MAGI2: variants seen among roughly 807,000 people sequenced by gnomAD.
MAGI2 encodes membrane-associated guanylate kinase, WW and PDZ domain-containing protein 2.
Under a neutral mutation model 133.3 loss-of-function variants are expected in MAGI2, and 35 were observed. The observed-to-expected ratio is 0.26, with a 90% CI of 0.20 to 0.35. The LOEUF is 0.35. Ranked by LOEUF, MAGI2 falls within the 10% of genes least tolerant of loss-of-function variation. The probability of loss-of-function intolerance (pLI) is 1.00; values close to 1 mark genes in which losing one functional copy is unlikely to be tolerated. For synonymous variants in MAGI2, 729 were observed against 710.6 expected, an observed-to-expected ratio of 1.03 and a Z score of -0.41; for missense variants, 1,636 against 1,863.4, an observed-to-expected ratio of 0.88 and a Z score of 2.25.
chr7:78,700,368 A>G (rs932180954), intron 2 of MAGI2, among the ~76,000 whole-genome samples: 2 of 152,082 alleles, frequency 1.3e-5, no homozygotes, highest in Admixed American at 1.3e-4. Context: ...TATGCTTATT[A>G]ATCAATTCAG....
chr7:78,458,829 T>A (rs547456659), intron 6 of MAGI2, among the ~76,000 whole-genome samples: 21 of 152,250 alleles, frequency 1.4e-4, no homozygotes, highest in African/African-American at 5.1e-4. Flanking sequence ...AGAGACGGTG[T>A]TTCTCCGTGT....
chr7:78,903,712 CTT>C (rs1317325703), intron 2 of MAGI2, among the ~76,000 whole-genome samples: 1 of 151,800 alleles, frequency 6.6e-6, no homozygotes, highest in Admixed American at 6.6e-5. Context: ...TACCACCTCT[CTT>C]TGTCACCAAA....
rs79396052 is a variant in MAGI2, at chr7:78,336,336, C to A, written c.1408+7442G>T. Among the ~76,000 whole-genome samples, 849 of 152,226 alleles carry A rather than the reference C, an allele frequency of 5.6e-3. 7 individuals are homozygous for A. The highest frequency in any genetic ancestry group is 0.019 in the African/African-American group (797 of 41,544). On this transcript the variant is annotated intron_variant, in intron 9 of 21. Coordinates refer to ENST00000354212, the MANE Select transcript of MAGI2 (RefSeq NM_012301.4). ...TGGTTCTGACAAAGTTAATCTTGTGCCCTTACTTTCAGAAGCACAGATATA... is the reference window on the plus strand; with the variant it reads ...TGGTTCTGACAAAGTTAATCTTGTGACCTTACTTTCAGAAGCACAGATATA...
chr7:78,218,774 G>A (rs1253905214), intron 10 of MAGI2, among the ~76,000 whole-genome samples: 3 of 152,302 alleles, frequency 2.0e-5, no homozygotes, highest in East Asian at 3.9e-4. Context: ...CATTAGTAGC[G>A]TGGGGCTCAT....
chr7:78,133,111 G>C, intron 17 of MAGI2, 51 bp from the exon 18 acceptor site: 1 of 1,431,734 alleles, frequency 7.0e-7, no homozygotes. Flanking sequence ...TGTTGATAAG[G>C]GGAAAGAAGT....
chr7:78,719,416 T>C (rs958491260), intron 2 of MAGI2, among the ~76,000 whole-genome samples: 5 of 152,260 alleles, frequency 3.3e-5, no homozygotes, highest in Admixed American at 6.5e-5. Context: ...AACCTAAGCA[T>C]TGTGTTGGCA....
At chr7:78,963,763 T>C (rs1803067384) in intron 2 of MAGI2, among the ~76,000 whole-genome samples, 1 of 152,016 alleles carries the variant, frequency 6.6e-6, no homozygotes, top group Non-Finnish European at 1.5e-5. Context: ...TATAATGGAA[T>C]AGGTATACAG....
intron 3 of MAGI2, among the ~76,000 whole-genome samples, chr7:78,579,719 T>C (rs1563198133): frequency 6.6e-6 from 1 of 152,224 alleles, no homozygotes; most frequent in Non-Finnish European, 1.5e-5. Flanking sequence ...AAGCCACTTC[T>C]AGGAGAACTA....
intron 2 of MAGI2, among the ~76,000 whole-genome samples, chr7:78,698,102 T>C (rs371204475): frequency 6.6e-6 from 1 of 152,168 alleles, no homozygotes; most frequent in East Asian, 1.9e-4. Flanking sequence ...ATTCCTTTTT[T>C]AAAAAATACT....
chr7:79,238,602 G>A (rs1306429896), intron 1 of MAGI2, among the ~76,000 whole-genome samples: 1 of 152,098 alleles, frequency 6.6e-6, no homozygotes, highest in Non-Finnish European at 1.5e-5. Flanking sequence ...ACAGTTTACT[G>A]GTAGTTTTAA....
rs1029368288 is a variant in MAGI2, at chr7:78,482,374, A to G, written c.1045+7387T>C. 9.2e-5 allele frequency among the ~76,000 whole-genome samples: 14 copies of G among 151,942 alleles called. 1 individual carries two copies. In the East Asian group the frequency reaches 2.7e-3, roughly 29 times the overall value. On this transcript the variant is annotated intron_variant, in intron 6 of 21. Transcript: ENST00000354212. ...CCTAAAACTGAAACGCACTTAGTAT[A>G]TAATCCAGCAATTGCACTCTTGGGT...
intron 20 of MAGI2, among the ~76,000 whole-genome samples, chr7:78,097,552 C>A (rs567835724): frequency 2.9e-4 from 44 of 152,074 alleles, no homozygotes; most frequent in Non-Finnish European, 6.0e-4. Flanking sequence ...CCTTAGCAAA[C>A]TAATACAGGA....
At chr7:78,694,686 G>C (rs557340384) in intron 2 of MAGI2, among the ~76,000 whole-genome samples, 36 of 152,202 alleles carry the variant, frequency 2.4e-4, no homozygotes, top group African/African-American at 8.7e-4. Flanking sequence ...GCCACACCTG[G>C]ATTTAAATCC....
intron 1 of MAGI2, among the ~76,000 whole-genome samples, chr7:79,189,334 T>G (rs1438910515): frequency 8.2e-6 from 1 of 121,782 alleles, no homozygotes; most frequent in African/African-American, 3.8e-5. Context: ...AAAAAAAAAA[T>G]GGCACCCTTC....
chr7:79,059,005 TAA>T (rs1813451109), intron 1 of MAGI2, among the ~76,000 whole-genome samples: 1 of 152,078 alleles, frequency 6.6e-6, no homozygotes, highest in Non-Finnish European at 1.5e-5. Flanking sequence ...AAGTAGTCAA[TAA>T]ATAGGAGTTG....
At position 78,701,419 on chromosome 7, in the gene MAGI2, T is replaced by C. The variant is rs534390109; in HGVS notation, c.419-74180A>G. Among the ~76,000 whole-genome samples, 15 of 152,096 alleles carry C rather than the reference T, an allele frequency of 9.9e-5. No homozygotes were observed. In the South Asian group the frequency reaches 3.1e-3, roughly 32 times the overall value. On this transcript the variant is annotated intron_variant, in intron 2 of 21. Coordinates refer to ENST00000354212, the MANE Select transcript of MAGI2 (RefSeq NM_012301.4). Reference sequence around the variant, plus strand: ...AATGCAGATCATATTTGTAATAAAATGTAAGGTAGAGTACATGTGGGACCA... The same window carrying C: ...AATGCAGATCATATTTGTAATAAAACGTAAGGTAGAGTACATGTGGGACCA...
chr7:79,160,646 A>G (rs1049731910), intron 1 of MAGI2, among the ~76,000 whole-genome samples: 3 of 151,920 alleles, frequency 2.0e-5, no homozygotes, highest in Non-Finnish European at 4.4e-5. Context: ...ACAGGAAATT[A>G]GTCCAAAGAG....
chr7:79,306,813 CTGAAGAATTTTTTTTTTT>C (rs1186139510), intron 1 of MAGI2, among the ~76,000 whole-genome samples: 2 of 145,030 alleles, frequency 1.4e-5, no homozygotes, highest in African/African-American at 2.7e-5. Context: ...CCTTTGATTT[CTGAAGAATTTTTTTTTTT>C]TGAGATGGAG....
rs1449185049 is a variant in MAGI2 at position 79,186,776 on chromosome 7, T to TAC, written c.302-179572_302-179571dup. ...GTATATATATATATATATATATATA[T>TAC]ACACACACACAAAAGTATATATATA... is the stretch of plus-strand genomic sequence containing the variant. On this transcript the variant is annotated intron_variant, in intron 1 of 21. Coordinates refer to ENST00000354212, the MANE Select transcript of MAGI2 (RefSeq NM_012301.4). Among the ~76,000 whole-genome samples, 827 of 97,844 alleles carry TAC rather than the reference T, an allele frequency of 8.5e-3. 30 individuals are homozygous for TAC. Among genetic ancestry groups the TAC allele is most frequent in the African/African-American group, 0.023 (769 of 33,782 alleles). 64.2% of individuals were successfully genotyped at this position (97,844 alleles called of 152,430 possible).
Sources: allele counts gnomAD v4.1 joint callset (sites outside exome capture counted in the v4.1 genomes callset), GRCh38; gene constraint gnomAD v4.1.1; transcripts MANE v1.5; gene names NCBI Gene and HGNC (gene_info 2026-07-23, HGNC 2026-07-21).